The following CADPS variants were observed in gnomAD, a reference collection of about 807,000 sequenced individuals.
CADPS encodes calcium dependent secretion activator, also known as calcium-dependent secretion activator 1.
Under a neutral mutation model 167.3 loss-of-function variants are expected in CADPS, and 57 were observed. That is an observed-to-expected ratio of 0.34 (90% confidence interval 0.28 to 0.42). The LOEUF is 0.42. CADPS is among the 20% of genes least tolerant of loss of function. The pLI is 1.00. For missense variants in CADPS, 1,414 were observed against 1,738.1 expected (o/e 0.81, Z 3.32); for synonymous variants, 676 against 635.3 (o/e 1.06, Z -0.96).
chr3:62,553,618 G>A (rs1399632071), intron 10 of CADPS, among the ~76,000 whole-genome samples: 1 of 152,178 alleles, frequency 6.6e-6, no homozygotes, highest in African/African-American at 2.4e-5. Flanking sequence ...GAGTGGGTAA[G>A]GGCAAAGAGA....
chr3:62,570,329 G>A lies in CADPS; in HGVS notation c.1644+543C>T, dbSNP rs537472197. On this transcript the variant is annotated intron_variant, in intron 9 of 29. Coordinates refer to ENST00000383710, the MANE Select transcript of CADPS (RefSeq NM_003716.4). ...TGGCTAAGACTTTTGGAAGCACCAG[G>A]CACCAAGAAGAGTAGAGCACTCCCA... Among the ~76,000 whole-genome samples the A allele has an allele frequency of 6.0e-5, 9 of 151,234 alleles. No homozygotes were observed. In the South Asian group the frequency reaches 8.4e-4, roughly 14 times the overall value.
At chr3:62,475,604 A>AAC (rs1553787354) in intron 23 of CADPS, among the ~76,000 whole-genome samples, 2 of 149,314 alleles carry the variant, frequency 1.3e-5, no homozygotes, top group African/African-American at 2.5e-5. Context: ...AAAAAAAAAA[A>AAC]AAAAAAAACA....
intron 6 of CADPS, among the ~76,000 whole-genome samples, chr3:62,636,551 A>T (rs2066343697): frequency 6.6e-6 from 1 of 152,220 alleles, no homozygotes; most frequent in Admixed American, 6.5e-5. Context: ...CATCATGCCA[A>T]GATGCTGTGT....
intron 28 of CADPS, among the ~76,000 whole-genome samples, chr3:62,405,421 T>C (rs944609290): frequency 4.7e-5 from 7 of 150,506 alleles, no homozygotes; most frequent in African/African-American, 1.7e-4. Flanking sequence ...CCTTTTTCTC[T>C]TTGCTGAGAG....
intron 1 of CADPS, among the ~76,000 whole-genome samples, chr3:62,800,942 CAG>C (rs2093725573): frequency 6.6e-6 from 1 of 152,142 alleles, no homozygotes; most frequent in Non-Finnish European, 1.5e-5. Context: ...ATTTTCCCAT[CAG>C]GGGAAAACAG....
At chr3:62,866,074 TA>T (rs1229801388) in intron 1 of CADPS, among the ~76,000 whole-genome samples, 1 of 152,146 alleles carries the variant, frequency 6.6e-6, no homozygotes, top group Admixed American at 6.6e-5. Flanking sequence ...TTTGATCACT[TA>T]AACACACACT....
At chr3:62,811,585 G>T (rs2094397115) in intron 1 of CADPS, among the ~76,000 whole-genome samples, 1 of 152,148 alleles carries the variant, frequency 6.6e-6, no homozygotes, top group Admixed American at 6.5e-5. Flanking sequence ...CCAGCTTAAG[G>T]CTTCCTAAGA....
chr3:62,802,640 C>T lies in CADPS; in HGVS notation c.442-36656G>A, dbSNP rs2093840976. ...GGTGGTGGTTTCAAAGTGAAAAGAG[C>T]TCAAAATCTACCTTTAAAATCCCAG... On this transcript the variant is annotated intron_variant, in intron 1 of 29. Coordinates refer to ENST00000383710, the MANE Select transcript of CADPS (RefSeq NM_003716.4). Among the ~76,000 whole-genome samples, 3 of 152,144 alleles carry T rather than the reference C, an allele frequency of 2.0e-5. No homozygotes were observed. The South Asian group carries it at 6.2e-4, about 32-fold the overall frequency.
At chr3:62,434,512 C>T (rs1362901863) in intron 28 of CADPS, among the ~76,000 whole-genome samples, 1 of 152,052 alleles carries the variant, frequency 6.6e-6, no homozygotes, top group Non-Finnish European at 1.5e-5. Flanking sequence ...TGTATTTCTC[C>T]AATAAACCTA....
intron 26 of CADPS, among the ~76,000 whole-genome samples, chr3:62,453,686 G>C (rs1397082380): frequency 2.0e-5 from 3 of 152,192 alleles, no homozygotes; most frequent in South Asian, 4.1e-4. Flanking sequence ...TTCTGCCTGG[G>C]GCCAAGTGAC....
At chr3:62,872,031 T>A (rs2082721861) in intron 1 of CADPS, among the ~76,000 whole-genome samples, 1 of 152,190 alleles carries the variant, frequency 6.6e-6, no homozygotes, top group Non-Finnish European at 1.5e-5. Context: ...TACAATATGG[T>A]CTTTTCTCCA....
chr3:62,583,688 A>G (rs1345994752), intron 8 of CADPS, among the ~76,000 whole-genome samples: 1 of 152,190 alleles, frequency 6.6e-6, no homozygotes, highest in Non-Finnish European at 1.5e-5. Context: ...TCCAGCTCAC[A>G]GGTGACCTTT....
In CADPS at chr3:62,525,679, A is replaced by ATGTGTGTG. The variant is rs34729200; in HGVS notation, c.2291+7184_2291+7191dup. Among the ~76,000 whole-genome samples, 438 of 148,912 alleles carry ATGTGTGTG rather than the reference A, an allele frequency of 2.9e-3. 2 individuals carry two copies. The highest frequency in any genetic ancestry group is 9.7e-3 in the African/African-American group (392 of 40,226). On this transcript the variant is annotated intron_variant, in intron 13 of 29. Transcript: ENST00000383710. ...GAGAAGCACCGGATGTAATGTCATT[A>ATGTGTGTG]TGTGTGTGTGTGTGTGTGTGTGTGT...
At chr3:62,659,020 C>T (rs575324644) in intron 4 of CADPS, among the ~76,000 whole-genome samples, 41 of 152,262 alleles carry the variant, frequency 2.7e-4, no homozygotes, top group Admixed American at 5.2e-4. Flanking sequence ...TCCTCCGTCT[C>T]CGATCTCCTC....
At position 62,856,068 on chromosome 3, in the gene CADPS, CAG is replaced by C. The variant is rs200356921; in HGVS notation, c.441+18519_441+18520del. On this transcript the variant is annotated intron_variant, in intron 1 of 29. Coordinates refer to ENST00000383710, the MANE Select transcript of CADPS (RefSeq NM_003716.4). The stretch of plus-strand genomic sequence containing the variant: ...TATGGAATTTCAGTAACAACAGAAA[CAG>C]AAACTAGCTGGAACACACTTGGAAA... Among the ~76,000 whole-genome samples, 939 of 152,084 alleles carry C rather than the reference CAG, an allele frequency of 6.2e-3. 11 individuals are homozygous for C. The highest frequency in any genetic ancestry group is 0.021 in the African/African-American group (884 of 41,492).
intron 28 of CADPS, among the ~76,000 whole-genome samples, chr3:62,405,419 T>G (rs1247481832): frequency 6.7e-6 from 1 of 149,188 alleles, no homozygotes; most frequent in Non-Finnish European, 1.5e-5. Context: ...TGCCTTTTTC[T>G]CTTTGCTGAG....
chr3:62,772,692 T>A (rs1327697623), intron 1 of CADPS, among the ~76,000 whole-genome samples: 1 of 152,214 alleles, frequency 6.6e-6, no homozygotes, highest in African/African-American at 2.4e-5. Context: ...TCCTAATGGA[T>A]ACACTTGGTT....
chr3:62,865,338 T>C lies in CADPS; in HGVS notation c.441+9251A>G, dbSNP rs118115323. Among the ~76,000 whole-genome samples the C allele has an allele frequency of 2.0e-3, 299 of 150,412 alleles. 10 individuals carry two copies. In the East Asian group the frequency reaches 0.049, roughly 25 times the overall value. On this transcript the variant is annotated intron_variant, in intron 1 of 29. Transcript: ENST00000383710. ...TTGTCTTTTTAAAAGCATCACCACT[T>C]CCTTAGGGTTTGTAACTTAGCATGT...
chr3:62,604,235 C>T (rs2060379430), intron 6 of CADPS, among the ~76,000 whole-genome samples: 1 of 152,182 alleles, frequency 6.6e-6, no homozygotes, highest in South Asian at 2.1e-4. Flanking sequence ...GCCATTTCTG[C>T]TCTTGGGCTT....
Sources: gnomAD v4.1 joint callset for allele counts (sites outside exome capture counted in the v4.1 genomes callset) on GRCh38, gnomAD v4.1.1 for gene constraint, MANE v1.5 for transcripts, NCBI Gene and HGNC (gene_info 2026-07-23, HGNC 2026-07-21) for gene names.